Variants in ANK3 observed in about 807,000 individuals in gnomAD.
The protein encoded by ANK3 is ankyrin-3.
ANK3 carries 57 observed loss-of-function variants against 370.9 expected under a neutral mutation model. The observed-to-expected ratio is 0.15, with a 90% confidence interval of 0.12 to 0.19. The LOEUF is 0.19. ANK3 is among the 10% of genes least tolerant of loss of function. The probability of loss-of-function intolerance (pLI) is 1.00; values close to 1 mark genes in which losing one functional copy is unlikely to be tolerated. For synonymous variants in ANK3, 1,929 were observed against 1,946.3 expected, an observed-to-expected ratio of 0.99 and a Z score of 0.23; for missense variants, 4,439 against 5,302.1, an observed-to-expected ratio of 0.84 and a Z score of 5.06.
intron 1 of ANK3, among the ~76,000 whole-genome samples, chr10:60,702,076 T>C (rs992427404): frequency 1.3e-5 from 2 of 151,984 alleles, no homozygotes; most frequent in South Asian, 2.1e-4. Context: ...CTGGCCAACA[T>C]AGTGAGTCTC....
rs534312176 is a variant in ANK3 at position 60,249,043 on chromosome 10, G to A, written c.798+12816C>T. Among the ~76,000 whole-genome samples the A allele has an allele frequency of 3.3e-5, 5 of 152,070 alleles. No individual in the cohort carries two copies. In the South Asian group the frequency reaches 6.2e-4, roughly 19 times the overall value. ...TCTTTCATTTTAAATAAGAACTCAT[G>A]GTTTTTCTTTATATTTCTTTAAAGA... On this transcript the variant is annotated intron_variant, in intron 7 of 43. Coordinates refer to ENST00000280772, the MANE Select transcript of ANK3 (RefSeq NM_020987.5).
At chr10:60,420,460 G>A (rs1249770918) in intron 2 of ANK3, among the ~76,000 whole-genome samples, 1 of 151,984 alleles carries the variant, frequency 6.6e-6, no homozygotes, top group African/African-American at 2.4e-5. Flanking sequence ...AGGCCTTTTG[G>A]CACAGTCTTT....
intron 2 of ANK3, among the ~76,000 whole-genome samples, chr10:60,473,079 C>T (rs1239861948): frequency 6.6e-6 from 1 of 152,062 alleles, no homozygotes; most frequent in East Asian, 1.9e-4. Context: ...TATTTCATGA[C>T]ATCAAAGAAT....
intron 42 of ANK3, among the ~76,000 whole-genome samples, chr10:60,047,893 T>G (rs1589225437): frequency 6.6e-6 from 1 of 152,180 alleles, no homozygotes; most frequent in Non-Finnish European, 1.5e-5. Flanking sequence ...TGTATAGAGA[T>G]CAGAATTTTA....
At chr10:60,563,932 G>A (rs936925243) in intron 2 of ANK3, among the ~76,000 whole-genome samples, 1 of 152,138 alleles carries the variant, frequency 6.6e-6, no homozygotes, top group Admixed American at 6.5e-5. Context: ...ATATCAAGAA[G>A]TAATATCCCA....
intron 2 of ANK3, among the ~76,000 whole-genome samples, chr10:60,493,634 T>C (rs1428351051): frequency 6.6e-6 from 1 of 152,042 alleles, no homozygotes; most frequent in Admixed American, 6.5e-5. Context: ...GTTGAGTTTT[T>C]TTAGAGAGAA....
At chr10:60,696,688 G>C (rs1368989102) in intron 1 of ANK3, among the ~76,000 whole-genome samples, 1 of 149,162 alleles carries the variant, frequency 6.7e-6, no homozygotes, top group Non-Finnish European at 1.5e-5. Context: ...AAAGGCCTTT[G>C]ACAAAATTCA....
chr10:60,393,234 G>T (rs1419542705), upstream of ANK3, among the ~76,000 whole-genome samples: 1 of 152,144 alleles, frequency 6.6e-6, no homozygotes, highest in East Asian at 1.9e-4. Context: ...GGCTCTCCCA[G>T]CCCTCCTCCA....
intron 1 of ANK3, among the ~76,000 whole-genome samples, chr10:60,321,117 A>T (rs1039778598): frequency 6.6e-6 from 1 of 152,210 alleles, no homozygotes; most frequent in African/African-American, 2.4e-5. Context: ...TTGGCTGGGC[A>T]TGGTGGCTCA....
intron 1 of ANK3, among the ~76,000 whole-genome samples, chr10:60,333,453 T>C (rs928515712): frequency 6.6e-6 from 1 of 152,238 alleles, no homozygotes; most frequent in Non-Finnish European, 1.5e-5. Context: ...TCCAGCTTCA[T>C]CTATGTCCCT....
At chr10:60,229,569 CCT>C (rs1285844214) in intron 8 of ANK3, among the ~76,000 whole-genome samples, 14 of 152,088 alleles carry the variant, frequency 9.2e-5, no homozygotes, top group African/African-American at 3.4e-4. Flanking sequence ...CCAAATGTCC[CCT>C]GACACCTTCC....
chr10:60,364,987 T>C (rs7906868), intron 1 of ANK3, among the ~76,000 whole-genome samples: 69,492 of 149,104 alleles, frequency 0.47, 17,429 homozygotes, highest in South Asian at 0.57. Context: ...ATGTGAAATA[T>C]TTGTGTAATA....
At chr10:60,199,488 C>T (rs1486979840) in intron 13 of ANK3, among the ~76,000 whole-genome samples, 1 of 152,160 alleles carries the variant, frequency 6.6e-6, no homozygotes, top group Non-Finnish European at 1.5e-5. Context: ...GCTACTACTG[C>T]CACCCCTTAC....
chr10:60,312,695 A>G (rs2132853127), intron 1 of ANK3, among the ~76,000 whole-genome samples: 1 of 152,284 alleles, frequency 6.6e-6, no homozygotes, highest in East Asian at 1.9e-4. Flanking sequence ...CTTAATTACA[A>G]TCTTTATTAG....
At chr10:60,276,006 T>C (rs1406581415) in intron 4 of ANK3, among the ~76,000 whole-genome samples, 2 of 152,196 alleles carry the variant, frequency 1.3e-5, no homozygotes, top group South Asian at 2.1e-4. Flanking sequence ...ACTCAATTTC[T>C]TTCTCAGAGT....
intron 11 of ANK3, 79 bp downstream of exon 11, chr10:60,205,713 G>C: frequency 9.7e-7 from 1 of 1,035,638 alleles, no homozygotes; most frequent in South Asian, 1.3e-5. Context: ...GCTGGTCCCT[G>C]GAGATGGCCC....
intron 42 of ANK3, among the ~76,000 whole-genome samples, chr10:60,049,122 G>A (rs12763974): frequency 0.066 from 10,008 of 152,238 alleles, 414 homozygotes; most frequent in Non-Finnish European, 0.092. Context: ...TATACCTATA[G>A]CTTCCAATGA....
chr10:60,185,552 A>T (rs2096302452), intron 17 of ANK3, among the ~76,000 whole-genome samples: 1 of 152,164 alleles, frequency 6.6e-6, no homozygotes, highest in South Asian at 2.1e-4. Context: ...GAAAGTATTT[A>T]AATTACTTGT....
intron 1 of ANK3, among the ~76,000 whole-genome samples, chr10:60,635,949 A>ATCCTTATATATT (rs2078549392): frequency 2.6e-5 from 4 of 152,218 alleles, no homozygotes; most frequent in African/African-American, 9.6e-5. Context: ...AATATTTCAC[A>ATCCTTATATATT]GCCATATAAG....
Sources: gnomAD v4.1 joint callset for allele counts (sites outside exome capture counted in the v4.1 genomes callset) on GRCh38, gnomAD v4.1.1 for gene constraint, MANE v1.5 for transcripts, NCBI Gene and HGNC (gene_info 2026-07-23, HGNC 2026-07-21) for gene names.